Variants in EIF3H observed in about 807,000 individuals in gnomAD.
The protein encoded by EIF3H is eIF-3-gamma.
Under a neutral mutation model 44.2 loss-of-function variants are expected in EIF3H, and 26 were observed. The observed-to-expected ratio is 0.59, with a 90% CI of 0.43 to 0.82. The LOEUF (loss-of-function observed/expected upper bound fraction) is 0.82. EIF3H is among the 40% of genes least tolerant of loss of function. EIF3H has a pLI of 0.00. For missense variants in EIF3H, 359 were observed against 432.8 expected (o/e 0.83, Z 1.51); for synonymous variants, 166 against 151.9 (o/e 1.09, Z -0.68).
chr8:116,667,024 A>G (rs1464761071), intron 2 of EIF3H, among the ~76,000 whole-genome samples: 1 of 152,236 alleles, frequency 6.6e-6, no homozygotes, highest in East Asian at 1.9e-4. Context: ...GGTAGCTTGC[A>G]TTAAACCATA....
Position 116,678,898 on chromosome 8 carries a change from G to T in EIF3H, c.290-19918C>A, listed in dbSNP as rs1343616248. 6.5e-5 allele frequency among the ~76,000 whole-genome samples: 8 copies of T among 123,354 alleles called. No homozygotes were observed. In the South Asian group the frequency reaches 1.7e-3, roughly 27 times the overall value. 80.9% of individuals were successfully genotyped at this position (123,354 alleles called of 152,430 possible). On this transcript the variant is annotated intron_variant, in intron 2 of 7. Coordinates refer to ENST00000521861, the MANE Select transcript of EIF3H (RefSeq NM_003756.3). ...AGCCCCCCGCCCGGCCAGCCGCCCC[G>T]TCCGGGAGGTGAGGGGCTCCTCTGC...
intron 5 of EIF3H, among the ~76,000 whole-genome samples, chr8:116,650,273 A>G (rs1813366810): frequency 6.6e-6 from 1 of 152,146 alleles, no homozygotes; most frequent in South Asian, 2.1e-4. Context: ...ACACTCATAC[A>G]CTGGGAGGGA....
At chr8:116,664,684 T>C (rs543988001) in intron 2 of EIF3H, among the ~76,000 whole-genome samples, 141 of 152,300 alleles carry the variant, frequency 9.3e-4, no homozygotes, top group African/African-American at 3.1e-3. Context: ...AAACTCAAGA[T>C]ATGTTCAGTA....
intron 5 of EIF3H, among the ~76,000 whole-genome samples, chr8:116,654,289 G>A (rs1813451491): frequency 6.6e-6 from 1 of 152,132 alleles, no homozygotes; most frequent in Non-Finnish European, 1.5e-5. Flanking sequence ...AGTTGCTAGG[G>A]CAAACTGAGA....
At chr8:116,721,410 C>A (rs1814743818) in intron 2 of EIF3H, among the ~76,000 whole-genome samples, 1 of 152,250 alleles carries the variant, frequency 6.6e-6, no homozygotes, top group Admixed American at 6.5e-5. Context: ...TCATGTAGAA[C>A]CTCTGCTAGG....
chr8:116,697,216 C>T (rs1814284351), intron 2 of EIF3H: 1 of 456,076 alleles, frequency 2.2e-6, no homozygotes, highest in Admixed American at 2.4e-5. Flanking sequence ...GTTGACAGAT[C>T]ACCCCAAAGG....
chr8:116,747,982 A>G (rs1815266228), intron 1 of EIF3H, among the ~76,000 whole-genome samples: 2 of 152,024 alleles, frequency 1.3e-5, no homozygotes, highest in Admixed American at 1.3e-4. Context: ...GTGGTGGCGC[A>G]TGCCTGTAAT....
At chr8:116,725,941 A>C in intron 2 of EIF3H, 75 bp downstream of exon 2, 1 of 1,470,634 alleles carries the variant, frequency 6.8e-7, no homozygotes, top group African/African-American at 1.4e-5. Flanking sequence ...ACACATTATC[A>C]AAAGTTATGG....
chr8:116,669,551 C>T (rs1435784033), intron 2 of EIF3H, among the ~76,000 whole-genome samples: 1 of 152,170 alleles, frequency 6.6e-6, no homozygotes, highest in Non-Finnish European at 1.5e-5. Flanking sequence ...TTAAATATAG[C>T]AAACAGCTTT....
intron 2 of EIF3H, among the ~76,000 whole-genome samples, chr8:116,721,850 T>A (rs1814752208): frequency 6.6e-6 from 1 of 152,222 alleles, no homozygotes; most frequent in African/African-American, 2.4e-5. Context: ...TGTACCCCCA[T>A]CATATCTAGG....
chr8:116,729,926 C>T, intron 1 of EIF3H, among the ~76,000 whole-genome samples: 1 of 152,122 alleles, frequency 6.6e-6, no homozygotes, highest in Admixed American at 6.5e-5. Context: ...GTACTGAAGG[C>T]TGTCCAAAAA....
rs934501977 is a variant in EIF3H, at chr8:116,651,881, A to G, written c.708-2955T>C. 3.3e-5 allele frequency among the ~76,000 whole-genome samples: 5 copies of G among 152,360 alleles called. No individual in the cohort carries two copies. In the Middle Eastern group the frequency reaches 0.014, roughly 415 times the overall value. On this transcript the variant is annotated intron_variant, in intron 5 of 7. Transcript: ENST00000521861. Reference sequence around the variant, plus strand: ...TCCTAAGGACAGTGGGAAACCAGCTAAAGATTTTAAGCAAAGGAGTAATAT... The same window carrying G: ...TCCTAAGGACAGTGGGAAACCAGCTGAAGATTTTAAGCAAAGGAGTAATAT...
At chr8:116,655,784 TAA>T in intron 5 of EIF3H, 70 bp downstream of exon 5, 1 of 1,482,484 alleles carries the variant, frequency 6.7e-7, no homozygotes, top group East Asian at 2.3e-5. Flanking sequence ...GTTTCACAGG[TAA>T]AGTTTATGTG....
At chr8:116,659,239 T>G (rs907811253) in intron 2 of EIF3H, among the ~76,000 whole-genome samples, 5 of 152,238 alleles carry the variant, frequency 3.3e-5, no homozygotes, top group Non-Finnish European at 5.9e-5. Context: ...AATACCTTGT[T>G]CTAACCAAAG....
At chr8:116,741,912 T>C (rs932304577) in intron 1 of EIF3H, among the ~76,000 whole-genome samples, 3 of 152,236 alleles carry the variant, frequency 2.0e-5, no homozygotes, top group Non-Finnish European at 4.4e-5. Flanking sequence ...ATGGTAGTTA[T>C]TGCCAAAATG....
At chr8:116,657,413 T>G (rs569284951) in intron 3 of EIF3H, 99 bp from the exon 4 acceptor site, 1 of 848,564 alleles carries the variant, frequency 1.2e-6, no homozygotes, top group South Asian at 1.5e-5. Flanking sequence ...TCGCACAATC[T>G]TTGCAAAATA....
At chr8:116,700,105 C>T (rs932526244) in intron 2 of EIF3H, among the ~76,000 whole-genome samples, 1 of 152,116 alleles carries the variant, frequency 6.6e-6, no homozygotes, top group African/African-American at 2.4e-5. Flanking sequence ...CGTGCCCGGC[C>T]GTAGGTTTTT....
chr8:116,752,676 G>C (rs1335684766), intron 1 of EIF3H, among the ~76,000 whole-genome samples: 3 of 62,920 alleles, frequency 4.8e-5, no homozygotes, highest in Non-Finnish European at 1.1e-4. Flanking sequence ...AAGAAAGAAA[G>C]AAAGAAAGAA....
In EIF3H at chr8:116,747,497, T is replaced by C. The variant is rs1301693744; in HGVS notation, c.132+8169A>G. ...ATTAAAATAGCTAAAATGTGCAAGT[T>C]TTGGTGCTTGAAAGGATTTCAAATT... On this transcript the variant is annotated intron_variant, in intron 1 of 7. Transcript: ENST00000521861. Among the ~76,000 whole-genome samples, 3 of 152,210 alleles carry C rather than the reference T, an allele frequency of 2.0e-5. No homozygotes were observed. In the East Asian group the frequency reaches 5.8e-4, roughly 29 times the overall value.
Sources: gnomAD v4.1 joint callset for allele counts (sites outside exome capture counted in the v4.1 genomes callset) on GRCh38, gnomAD v4.1.1 for gene constraint, MANE v1.5 for transcripts, NCBI Gene and HGNC (gene_info 2026-07-23, HGNC 2026-07-21) for gene names.